KLHL4: variants seen among roughly 807,000 people sequenced by gnomAD.
KLHL4 encodes the protein kelch-like protein 4.
A neutral mutation model predicts 45.8 loss-of-function variants in KLHL4; 17 were observed. The observed-to-expected ratio is 0.37, with a 90% confidence interval of 0.25 to 0.56. The LOEUF (loss-of-function observed/expected upper bound fraction) is 0.56. Among genes scored for constraint, KLHL4 ranks in the 20% least tolerant of loss-of-function variants. KLHL4 has a pLI of 0.79. For missense variants in KLHL4, 544 were observed against 544.9 expected, an observed-to-expected ratio of 1.00 and a Z score of 0.02; for synonymous variants, 224 against 189.9, an observed-to-expected ratio of 1.18 and a Z score of -1.47.
intron 1 of KLHL4, among the ~76,000 whole-genome samples, chrX:87,555,366 T>C (rs919183509): frequency 6.3e-5 from 7 of 111,279 alleles, no homozygotes; most frequent in African/African-American, 2.3e-4. Flanking sequence ...TTTTGGTTGG[T>C]AAGCTATTGA....
intron 1 of KLHL4, among the ~76,000 whole-genome samples, chrX:87,561,441 C>T (rs774034028): frequency 9.0e-6 from 1 of 111,658 alleles, no homozygotes; most frequent in Admixed American, 9.5e-5. Flanking sequence ...AAAATCAACA[C>T]AAGGCAGAAT....
chrX:87,663,804 A>C (rs1162789990), intron 9 of KLHL4, among the ~76,000 whole-genome samples: 1 of 112,210 alleles, frequency 8.9e-6, no homozygotes, highest in East Asian at 2.8e-4. Flanking sequence ...ATATTTTTAA[A>C]ATTGTAGATG....
intron 9 of KLHL4, among the ~76,000 whole-genome samples, chrX:87,651,807 A>G (rs1923823370): frequency 8.9e-6 from 1 of 111,981 alleles, no homozygotes; most frequent in African/African-American, 3.2e-5. Context: ...TGGATTTACC[A>G]TTCTAGGACC....
At chrX:87,650,382 G>A (rs1011685472) in intron 9 of KLHL4, among the ~76,000 whole-genome samples, 1 of 112,094 alleles carries the variant, frequency 8.9e-6, no homozygotes, top group Non-Finnish European at 1.9e-5. Flanking sequence ...ACAGGCGTGA[G>A]CCAACACACC....
At chrX:87,647,198 T>G (rs762753695) in intron 9 of KLHL4, among the ~76,000 whole-genome samples, 19 of 111,668 alleles carry the variant, frequency 1.7e-4, no homozygotes, top group African/African-American at 4.5e-4. Flanking sequence ...ACTACCTCAC[T>G]CCTGCAAGAA....
In KLHL4 at chrX:87,618,022, A is replaced by G. The variant is rs750402431; in HGVS notation, c.818A>G (p.Asn273Ser). 8.3e-7 allele frequency: 1 copy of G among 1,210,634 alleles called. No homozygotes were observed. Among genetic ancestry groups the G allele is most frequent in the Admixed American group, 2.2e-5 (1 of 45,881 alleles). Residue 273 changes from asparagine to serine, a missense_variant, in exon 4 of 11, where the codon AAT becomes AGT. By Grantham distance (46) the Asn-to-Ser change is conservative. Coordinates refer to ENST00000373119, the MANE Select transcript of KLHL4 (RefSeq NM_019117.5). ...QLTQVIDVCS[N>S]FLIKQLHPSN... ...ACTCAGGTCATTGATGTTTGCTCCAATTTTCTCATAAAGCAGCTCCATCCT... is the reference window on the plus strand; with the variant it reads ...ACTCAGGTCATTGATGTTTGCTCCAGTTTTCTCATAAAGCAGCTCCATCCT...
Position 87,530,133 on chromosome X carries a change from T to C in KLHL4, c.422+11818T>C, listed in dbSNP as rs113711673. Among the ~76,000 whole-genome samples, 496 of 111,031 alleles carry C rather than the reference T, an allele frequency of 4.5e-3. 1 individual carries two copies. The highest frequency in any genetic ancestry group is 0.016 in the African/African-American group (484 of 30,585). On this transcript the variant is annotated intron_variant, in intron 1 of 10. Coordinates refer to ENST00000373119, the MANE Select transcript of KLHL4 (RefSeq NM_019117.5). Reference sequence around the variant, plus strand: ...CAGAAGCTCTTTAGTTTAATTAGATTCCATTTGTCAATTTTGTCTTTTGTT... The same window carrying C: ...CAGAAGCTCTTTAGTTTAATTAGATCCCATTTGTCAATTTTGTCTTTTGTT...
At chrX:87,595,239 G>T (rs4490984) in intron 1 of KLHL4, among the ~76,000 whole-genome samples, 1 of 110,675 alleles carries the variant, frequency 9.0e-6, no homozygotes, top group African/African-American at 3.3e-5. Flanking sequence ...CTCCTCATTA[G>T]GTGATACTTA....
chrX:87,548,482 C>T (rs1184538468), intron 1 of KLHL4, among the ~76,000 whole-genome samples: 1 of 111,302 alleles, frequency 9.0e-6, no homozygotes, highest in Non-Finnish European at 1.9e-5. Flanking sequence ...AATATTATAA[C>T]ACTGTAACTG....
At chrX:87,523,823 C>T (rs918073371) in intron 1 of KLHL4, among the ~76,000 whole-genome samples, 1 of 110,327 alleles carries the variant, frequency 9.1e-6, no homozygotes. Flanking sequence ...ATTAGCCAGA[C>T]GTGGTGGCAG....
intron 9 of KLHL4, among the ~76,000 whole-genome samples, chrX:87,654,050 G>A (rs141046900): frequency 0.045 from 4,999 of 110,696 alleles, 266 homozygotes; most frequent in African/African-American, 0.16. Flanking sequence ...CCTAGGTGAT[G>A]GATTGATAGG....
intron 9 of KLHL4, among the ~76,000 whole-genome samples, chrX:87,652,063 G>T (rs1163688265): frequency 8.9e-6 from 1 of 112,632 alleles, no homozygotes; most frequent in African/African-American, 3.2e-5. Context: ...AACACCACAT[G>T]GAAGTTGCCA....
At chrX:87,666,348 C>A in intron 10 of KLHL4, 127 bp from the exon 11 acceptor site, 1 of 555,131 alleles carries the variant, frequency 1.8e-6, no homozygotes, top group Non-Finnish European at 2.6e-6. Context: ...CAGATTATCT[C>A]ATCTTTAGAC....
intron 1 of KLHL4, among the ~76,000 whole-genome samples, chrX:87,537,707 T>C (rs924391415): frequency 9.0e-6 from 1 of 111,497 alleles, no homozygotes; most frequent in Non-Finnish European, 1.9e-5. Flanking sequence ...TTTTTAAAAA[T>C]ATGCCCATAT....
At chrX:87,550,217 AACCTGAGCCG>A (rs1931781288) in intron 1 of KLHL4, among the ~76,000 whole-genome samples, 1 of 111,261 alleles carries the variant, frequency 9.0e-6, no homozygotes, top group African/African-American at 3.3e-5. Flanking sequence ...AGAAATTCAA[AACCTGAGCCG>A]ACCAATAACA....
intron 9 of KLHL4, among the ~76,000 whole-genome samples, chrX:87,654,885 T>TC (rs1410944430): frequency 1.8e-5 from 2 of 112,062 alleles, no homozygotes; most frequent in Admixed American, 1.9e-4. Context: ...TTCACATTTT[T>TC]CTCATGATTA....
At chrX:87,655,746 G>A (rs930514071) in intron 9 of KLHL4, among the ~76,000 whole-genome samples, 4 of 111,194 alleles carry the variant, frequency 3.6e-5, no homozygotes, top group Non-Finnish European at 7.5e-5. Flanking sequence ...TAGCTACTTT[G>A]TAGCCTTATT....
At chrX:87,643,342 C>G (rs908446681) in intron 9 of KLHL4, among the ~76,000 whole-genome samples, 4 of 110,944 alleles carry the variant, frequency 3.6e-5, no homozygotes, top group African/African-American at 9.8e-5. Context: ...TACAACTCCC[C>G]TAGCTTAAAT....
chrX:87,638,160 T>A (rs1407152322), intron 9 of KLHL4, among the ~76,000 whole-genome samples: 3 of 110,679 alleles, frequency 2.7e-5, no homozygotes, highest in Admixed American at 9.6e-5. Flanking sequence ...AAAATTATTT[T>A]AAAAAAATGA....
Sources: allele counts gnomAD v4.1 joint callset (sites outside exome capture counted in the v4.1 genomes callset), GRCh38; gene constraint gnomAD v4.1.1; transcripts MANE v1.5; gene names NCBI Gene and HGNC (gene_info 2026-07-23, HGNC 2026-07-21).